Variants in PPP2R5C observed in about 807,000 individuals in gnomAD.
PPP2R5C encodes the protein protein phosphatase 2 regulatory subunit B'gamma, also known as serine/threonine-protein phosphatase 2A 56 kDa regulatory subunit gamma isoform.
A neutral mutation model predicts 68.9 loss-of-function variants in PPP2R5C; 7 were observed. The observed-to-expected ratio is 0.10, with a 90% CI of 0.06 to 0.19. The LOEUF (loss-of-function observed/expected upper bound fraction) is 0.19. Ranked by LOEUF, PPP2R5C falls within the 10% of genes least tolerant of loss-of-function variation. The probability of loss-of-function intolerance (pLI) is 1.00; values close to 1 mark genes in which losing one functional copy is unlikely to be tolerated. For missense variants in PPP2R5C, 348 were observed against 641.3 expected, an observed-to-expected ratio of 0.54 and a Z score of 4.94; for synonymous variants, 210 against 222.2, an observed-to-expected ratio of 0.95 and a Z score of 0.49.
chr14:101,899,203 A>G lies in PPP2R5C; in HGVS notation c.853-2516A>G, dbSNP rs971344879. Among the ~76,000 whole-genome samples the G allele has an allele frequency of 6.6e-6, 1 of 152,252 alleles. No individual in the cohort carries two copies. Among genetic ancestry groups the G allele is most frequent in the Non-Finnish European group, 1.5e-5 (1 of 68,040 alleles). ...AGCTCATCAGAGATTTTACAGAAGT[A>G]AAACTGTGTTCCGTTTTCACCCACC... On this transcript the variant is annotated intron_variant, in intron 8 of 13. Transcript: ENST00000334743. The surrounding 1 kb of genome is among the most constrained non-coding windows in gnomAD (Gnocchi z 4.2).
chr14:101,857,876 G>A (rs1033221632), intron 2 of PPP2R5C, among the ~76,000 whole-genome samples: 9 of 152,054 alleles, frequency 5.9e-5, no homozygotes, highest in Non-Finnish European at 1.2e-4. Context: ...TTTCAGAATT[G>A]ACTGGACTTC....
At chr14:101,861,367 T>C (rs946879673) in intron 2 of PPP2R5C, among the ~76,000 whole-genome samples, 16 of 152,234 alleles carry the variant, frequency 1.1e-4, no homozygotes, top group African/African-American at 3.9e-4. Context: ...TGAGAGCCTT[T>C]CGGAGGGCCT....
intron 1 of PPP2R5C, among the ~76,000 whole-genome samples, chr14:101,849,764 A>G (rs1441242066): frequency 3.5e-5 from 4 of 113,946 alleles, no homozygotes; most frequent in African/African-American, 1.0e-4. Context: ...AGTTGTCCCA[A>G]CACAACGTGT....
upstream of PPP2R5C, among the ~76,000 whole-genome samples, chr14:101,761,432 G>C (rs921185077): frequency 5.9e-5 from 9 of 151,644 alleles, no homozygotes; most frequent in African/African-American, 2.2e-4. Flanking sequence ...GCCGCGGCCT[G>C]CCTGAGGCCG....
At chr14:101,767,735 A>G (rs546453237) in intron 2 of PPP2R5C, among the ~76,000 whole-genome samples, 11 of 152,062 alleles carry the variant, frequency 7.2e-5, no homozygotes, top group Admixed American at 2.6e-4. Flanking sequence ...GCGCCTCCCC[A>G]TGGTCTTTCC....
At chr14:101,919,167 G>A (rs539030805) in intron 13 of PPP2R5C, among the ~76,000 whole-genome samples, 2 of 152,190 alleles carry the variant, frequency 1.3e-5, no homozygotes, top group East Asian at 1.9e-4. Flanking sequence ...AAGGGCTCAC[G>A]GCACCAAGTC....
At chr14:101,776,365 C>A (rs972026522) in intron 2 of PPP2R5C, among the ~76,000 whole-genome samples, 15 of 152,072 alleles carry the variant, frequency 9.9e-5, no homozygotes, top group African/African-American at 3.6e-4. Flanking sequence ...GTTGCCCAAA[C>A]CAGATCGCTA....
At chr14:101,856,362 C>T (rs998693428) in intron 1 of PPP2R5C, among the ~76,000 whole-genome samples, 8 of 152,206 alleles carry the variant, frequency 5.3e-5, no homozygotes, top group African/African-American at 1.7e-4. Context: ...CTGCCCGACA[C>T]GGTGCCTGTG....
intron 2 of PPP2R5C, among the ~76,000 whole-genome samples, chr14:101,875,188 C>A (rs1007422811): frequency 2.0e-5 from 3 of 152,114 alleles, no homozygotes; most frequent in African/African-American, 7.2e-5. Flanking sequence ...GAGGTGAAAT[C>A]GATTCTTTGA....
At chr14:101,762,542 C>G (rs979384496) in intron 1 of PPP2R5C, among the ~76,000 whole-genome samples, 1 of 152,056 alleles carries the variant, frequency 6.6e-6, no homozygotes, top group Non-Finnish European at 1.5e-5. Context: ...TCAGGTGGAG[C>G]TCTGTAGCGT....
intron 2 of PPP2R5C, among the ~76,000 whole-genome samples, chr14:101,874,539 A>G (rs2043627725): frequency 6.6e-6 from 1 of 152,244 alleles, no homozygotes; most frequent in Non-Finnish European, 1.5e-5. Flanking sequence ...ATTGAATTAT[A>G]AGTATTATGA....
At chr14:101,827,389 G>C (rs951897563) in intron 1 of PPP2R5C, among the ~76,000 whole-genome samples, 3 of 152,078 alleles carry the variant, frequency 2.0e-5, no homozygotes, top group Non-Finnish European at 4.4e-5. Context: ...AGCATAAAAG[G>C]CCAAGTTAGG....
At chr14:101,841,981 T>A (rs2041502718) in intron 1 of PPP2R5C, among the ~76,000 whole-genome samples, 1 of 151,974 alleles carries the variant, frequency 6.6e-6, no homozygotes, top group East Asian at 1.9e-4. Flanking sequence ...CTGTGGAGAG[T>A]CCAGCTCACG....
intron 5 of PPP2R5C, among the ~76,000 whole-genome samples, chr14:101,886,360 A>C (rs1447378372): frequency 6.6e-6 from 1 of 152,190 alleles, no homozygotes; most frequent in African/African-American, 2.4e-5. Flanking sequence ...TTAGTATTCC[A>C]AAGTTATTAC....
At position 101,925,122 on chromosome 14, in the gene PPP2R5C, A is replaced by G. The variant is rs147467018; in HGVS notation, c.1444-19A>G. On this transcript the variant is annotated intron_variant, in intron 13 of 13. Coordinates refer to ENST00000334743, the Ensembl canonical transcript of PPP2R5C. The stretch of plus-strand genomic sequence containing the variant: ...GATAGCTTAGTTTGTAGCCAACGCC[A>G]TTGCATTTCTAATTCCAGGCACAGA... 8.6e-4 allele frequency: 1,383 copies of G among 1,613,480 alleles called. 12 individuals are homozygous for G. The African/African-American group carries it at 0.016, about 18-fold the overall frequency.
chr14:101,763,929 C>T (rs1056814022), intron 2 of PPP2R5C, among the ~76,000 whole-genome samples: 1 of 152,134 alleles, frequency 6.6e-6, no homozygotes, highest in African/African-American at 2.4e-5. Flanking sequence ...GTTGACGGTC[C>T]CTTGGCCTCT....
chr14:101,839,457 C>G (rs2041324305), intron 1 of PPP2R5C: 2 of 152,380 alleles, frequency 1.3e-5, no homozygotes, highest in Non-Finnish European at 1.5e-5. Context: ...CTCTTCTTCC[C>G]CATCTGTGCC....
intron 13 of PPP2R5C, among the ~76,000 whole-genome samples, chr14:101,919,969 C>CAAAAAAAA (rs34641396): frequency 1.9e-5 from 1 of 52,870 alleles, no homozygotes; most frequent in Non-Finnish European, 3.4e-5. Flanking sequence ...AACTCCGTCT[C>CAAAAAAAA]AAAAAAAAAA....
At chr14:101,862,076 C>A (rs2042777442) in intron 2 of PPP2R5C, among the ~76,000 whole-genome samples, 1 of 152,162 alleles carries the variant, frequency 6.6e-6, no homozygotes, top group African/African-American at 2.4e-5. Flanking sequence ...CCATACCCAG[C>A]TGATTTTTTA....
Sources: allele counts gnomAD v4.1 joint callset (sites outside exome capture counted in the v4.1 genomes callset), GRCh38; gene constraint gnomAD v4.1.1; non-coding constraint Gnocchi (gnomAD v3.1); transcripts MANE v1.5; gene names NCBI Gene and HGNC (gene_info 2026-07-23, HGNC 2026-07-21).